Variants in ATIC observed in about 807,000 individuals in gnomAD.
ATIC encodes bifunctional purine biosynthesis protein ATIC.
Under a neutral mutation model 72.5 loss-of-function variants are expected in ATIC, and 64 were observed. That is an observed-to-expected ratio of 0.88 (90% CI 0.72 to 1.09). The LOEUF (loss-of-function observed/expected upper bound fraction) is 1.09, where lower values mean the gene tolerates loss of function less well. Ranked by LOEUF, ATIC falls within the 50% of genes least tolerant of loss-of-function variation. The probability of loss-of-function intolerance (pLI) is 0.00; values close to 1 mark genes in which losing one functional copy is unlikely to be tolerated. For missense variants in ATIC, 787 were observed against 732.4 expected (o/e 1.07, Z -0.86); for synonymous variants, 281 against 267.1 (o/e 1.05, Z -0.51).
downstream of ATIC, among the ~76,000 whole-genome samples, chr2:215,350,804 C>T (rs2053124880): frequency 6.6e-6 from 1 of 152,164 alleles, no homozygotes; most frequent in African/African-American, 2.4e-5. Flanking sequence ...TGACCATTCC[C>T]GTGCATTGCA....
the ATIC span, among the ~76,000 whole-genome samples, chr2:215,366,509 C>T: frequency 6.6e-6 from 1 of 152,188 alleles, no homozygotes; most frequent in South Asian, 2.1e-4. Context: ...TTATTATCCA[C>T]ATCAAATAAG....
intron 5 of ATIC, among the ~76,000 whole-genome samples, chr2:215,325,685 C>T (rs1231732090): frequency 1.3e-5 from 2 of 152,168 alleles, no homozygotes; most frequent in East Asian, 3.9e-4. Flanking sequence ...GCCTCAGCCT[C>T]CTGAGTAGCT....
At chr2:215,321,420 A>G (rs2052765762) in intron 4 of ATIC, among the ~76,000 whole-genome samples, 2 of 152,334 alleles carry the variant, frequency 1.3e-5, no homozygotes, top group East Asian at 1.9e-4. Context: ...TTTGAATATT[A>G]TGAATAATGC....
chr2:215,327,048 G>C, intron 7 of ATIC, 70 bp downstream of exon 7: 2 of 1,602,600 alleles, frequency 1.2e-6, no homozygotes, highest in Admixed American at 3.3e-5. Flanking sequence ...TATTGCATCT[G>C]ATGTGGTTCA....
chr2:215,362,014 C>A, the ATIC span: 9 of 1,614,074 alleles, frequency 5.6e-6, no homozygotes, highest in Non-Finnish European at 7.6e-6. Flanking sequence ...GGTTGTAGGA[C>A]TGGCCAGTAG....
chr2:215,365,438 A>G, the ATIC span: 1 of 1,509,976 alleles, frequency 6.6e-7, no homozygotes, highest in Non-Finnish European at 9.2e-7. Context: ...TGTGAATGAG[A>G]GTTACAGCCT....
At chr2:215,365,724 G>A in the ATIC span, 1 of 1,181,134 alleles carries the variant, frequency 8.5e-7, no homozygotes, top group African/African-American at 1.5e-5. Context: ...AGGGTCTTCA[G>A]AACCATGATC....
At chr2:215,327,515 A>G (rs1431327067) in intron 7 of ATIC, among the ~76,000 whole-genome samples, 1 of 152,232 alleles carries the variant, frequency 6.6e-6, no homozygotes, top group African/African-American at 2.4e-5. Context: ...GGAACAAGAA[A>G]GTAGGACTTT....
downstream of ATIC, among the ~76,000 whole-genome samples, chr2:215,352,584 G>A (rs113757798): frequency 1.2e-4 from 18 of 147,416 alleles, no homozygotes; most frequent in South Asian, 2.2e-4. Flanking sequence ...TCCATCTCAA[G>A]AAAAAAAAAA....
chr2:215,319,960 C>T (rs980953629), intron 4 of ATIC, among the ~76,000 whole-genome samples: 3 of 152,114 alleles, frequency 2.0e-5, no homozygotes, highest in Non-Finnish European at 2.9e-5. Context: ...GGTTGAGTAT[C>T]CCTTATCTGA....
chr2:215,313,147 A>G (rs2052673457), intron 2 of ATIC, among the ~76,000 whole-genome samples: 1 of 152,214 alleles, frequency 6.6e-6, no homozygotes, highest in South Asian at 2.1e-4. Context: ...CAGTTGAGTA[A>G]GGGAAAAGTA....
At chr2:215,343,584 C>T (rs1224177485) in intron 12 of ATIC, among the ~76,000 whole-genome samples, 1 of 152,196 alleles carries the variant, frequency 6.6e-6, no homozygotes, top group East Asian at 1.9e-4. Context: ...GGTCCACCCG[C>T]CTTGGCCTCC....
At chr2:215,317,743 C>T (rs921849761) in intron 2 of ATIC, among the ~76,000 whole-genome samples, 1 of 152,182 alleles carries the variant, frequency 6.6e-6, no homozygotes, top group Non-Finnish European at 1.5e-5. Flanking sequence ...CCTGCCTCAG[C>T]CTTCCAAAGT....
At chr2:215,317,831 C>G (rs977951647) in intron 2 of ATIC, among the ~76,000 whole-genome samples, 15 of 152,050 alleles carry the variant, frequency 9.9e-5, no homozygotes, top group Non-Finnish European at 2.1e-4. Flanking sequence ...GCCAAATTCT[C>G]AGTTGTATGT....
chr2:215,329,579 A>T (rs112177740), intron 7 of ATIC, among the ~76,000 whole-genome samples: 28 of 152,172 alleles, frequency 1.8e-4, no homozygotes, highest in Non-Finnish European at 3.7e-4. Context: ...GCAAGAACAA[A>T]GATGGGGTTG....
chr2:215,342,830 G>T (rs540099982), intron 12 of ATIC, among the ~76,000 whole-genome samples: 2 of 152,156 alleles, frequency 1.3e-5, no homozygotes, highest in South Asian at 4.2e-4. Context: ...CAGGCATGCG[G>T]CACCACACCT....
At position 215,319,692 on chromosome 2, in the gene ATIC, A is replaced by T. The variant is rs756671161; in HGVS notation, c.251A>T (p.Asp84Val). 1 of 1,612,422 alleles carries T rather than the reference A, an allele frequency of 6.2e-7. No homozygotes were observed. The highest frequency in any genetic ancestry group is 1.1e-5 in the South Asian group (1 of 91,040). The change falls in exon 4 of 16, where the codon GAT becomes GTT. Residue 84 changes from aspartate to valine, a missense_variant. Coordinates refer to ENST00000236959, the MANE Select transcript of ATIC (RefSeq NM_004044.7). ...AGILARNIPEDNADMARLDFN... is the reference protein window; with the variant it reads ...AGILARNIPEVNADMARLDFN... ...ATCCTAGCTCGTAATATTCCAGAAG[A>T]TAATGCTGACATGGCCAGACTTGAT...
At chr2:215,346,992 C>G in intron 14 of ATIC, 51 bp downstream of exon 14, 2 of 1,580,914 alleles carry the variant, frequency 1.3e-6, no homozygotes, top group Non-Finnish European at 8.7e-7. Context: ...CAGTTCAACC[C>G]TTTATGTGTA....
intron 7 of ATIC, 32 bp downstream of exon 7, chr2:215,327,010 C>CT: frequency 1.2e-6 from 2 of 1,614,022 alleles, no homozygotes; most frequent in Non-Finnish European, 1.7e-6. Flanking sequence ...GCATGGTTTG[C>CT]TGTGCCTGGA....
Sources: allele counts gnomAD v4.1 joint callset (sites outside exome capture counted in the v4.1 genomes callset), GRCh38; gene constraint gnomAD v4.1.1; transcripts MANE v1.5; gene names NCBI Gene and HGNC (gene_info 2026-07-23, HGNC 2026-07-21).